Variants in PI4KB observed in about 807,000 individuals in gnomAD.
PI4KB encodes the protein phosphatidylinositol 4-kinase beta.
A neutral mutation model predicts 81.4 loss-of-function variants in PI4KB; 23 were observed. That is an observed-to-expected ratio of 0.28 (90% CI 0.20 to 0.40). PI4KB has a LOEUF of 0.40. Among genes scored for constraint, PI4KB ranks in the 10% least tolerant of loss-of-function variants. The pLI is 1.00. For synonymous variants in PI4KB, 381 were observed against 406.8 expected (o/e 0.94, Z 0.76); for missense variants, 651 against 1,036.6 (o/e 0.63, Z 5.11).
In PI4KB at chr1:151,316,287, G is replaced by C. The variant is rs201358714; in HGVS notation, c.195C>G (p.Gly65=). 1 of 1,614,070 alleles carries C rather than the reference G, an allele frequency of 6.2e-7. No homozygotes were observed. Among genetic ancestry groups the C allele is most frequent in the East Asian group, 2.2e-5 (1 of 44,880 alleles). Residue 65 remains glycine (G), a synonymous_variant, in exon 2 of 12, where the codon GGC becomes GGG. Coordinates refer to ENST00000368873, the MANE Select transcript of PI4KB (RefSeq NM_001369623.2). ...VLEKVKLLHG[G]VAVSSRGTPL... ...GGGTGCCTCTGCTAGAGACTGCCACGCCTCCATGCAAAAGCTTGACTTTCT... is the reference window on the plus strand; with the variant it reads ...GGGTGCCTCTGCTAGAGACTGCCACCCCTCCATGCAAAAGCTTGACTTTCT...
At chr1:151,324,122 T>C (rs1394933329) in intron 1 of PI4KB, among the ~76,000 whole-genome samples, 3 of 152,064 alleles carry the variant, frequency 2.0e-5, no homozygotes, top group Non-Finnish European at 2.9e-5. Flanking sequence ...GGCTAATTTT[T>C]GTATTTTTAG....
chr1:151,317,559 T>G (rs1648154007), intron 1 of PI4KB, among the ~76,000 whole-genome samples: 1 of 152,004 alleles, frequency 6.6e-6, no homozygotes, highest in African/African-American at 2.4e-5. Flanking sequence ...CAAGCAATCC[T>G]CCCTCCTCAG....
In PI4KB at chr1:151,306,304, G is replaced by C. The variant is rs746717807; in HGVS notation, c.1242C>G (p.Val414=). The change falls in exon 5 of 12, where the codon GTC becomes GTG. Residue 414 remains valine, a synonymous_variant. Coordinates refer to ENST00000368873, the MANE Select transcript of PI4KB (RefSeq NM_001369623.2). ...TTCGGTTCTCGGGGATCCGGGCAGG[G>C]ACACTGGTGGTGTCAAAGTTTTCAC... ...LECENFDTTS[V]PARIPENRIR... is the part of the protein sequence containing the mutation. 1 of 1,614,210 alleles carries C rather than the reference G, an allele frequency of 6.2e-7. No homozygotes were observed.
intron 9 of PI4KB, among the ~76,000 whole-genome samples, chr1:151,297,326 TGCCTCG>T (rs1694887861): frequency 6.6e-6 from 1 of 151,404 alleles, no homozygotes; most frequent in Non-Finnish European, 1.5e-5. Flanking sequence ...GCGATCCTCC[TGCCTCG>T]GCCTTGTTGG....
At position 151,325,118 on chromosome 1, in the gene PI4KB, A is replaced by G. The variant is rs1184403626; in HGVS notation, c.-29+2153T>C. 2.5e-4 allele frequency among the ~76,000 whole-genome samples: 38 copies of G among 150,844 alleles called. No individual in the cohort carries two copies. The Admixed American group carries it at 2.5e-3, about 10-fold the overall frequency. ...GTAATTCTCCTGCTTCAGCCTCCGGAGTAGCTGGGATTACAGAAGCTCGCC... is the reference window on the plus strand; with the variant it reads ...GTAATTCTCCTGCTTCAGCCTCCGGGGTAGCTGGGATTACAGAAGCTCGCC... On this transcript the variant is annotated intron_variant, in intron 1 of 11. Transcript: ENST00000368873.
rs568964666 is a variant in PI4KB at position 151,316,373 on chromosome 1, C to T, written c.109G>A (p.Val37Ile). Residue 37 changes from valine to isoleucine, a missense_variant, in exon 2 of 12, where the codon GTC (valine) becomes ATC (isoleucine). Physicochemically the swap from Val to Ile is conservative, Grantham distance 29. Around this residue, in one of 5 missense-constraint regions of PI4KB, gnomAD observed 314 missense variants for 397.8 expected, o/e 0.79. Coordinates refer to ENST00000368873, the MANE Select transcript of PI4KB (RefSeq NM_001369623.2). Reference protein sequence around the residue: ...GSLLSVITEGVGELSVIDPEV... With the variant: ...GSLLSVITEGIGELSVIDPEV... ...GGGTCAATCACTGATAGTTCCCCGA[C>T]CCCCTCCGTGATGACACTTAGCAGG... The T allele has an allele frequency of 2.9e-5, 46 of 1,608,574 alleles. No individual in the cohort carries two copies. Among genetic ancestry groups the T allele is most frequent in the Non-Finnish European group, 3.7e-5 (44 of 1,177,240 alleles).
intron 8 of PI4KB, 96 bp downstream of exon 8, chr1:151,301,748 G>A: frequency 8.6e-7 from 1 of 1,163,272 alleles, no homozygotes; most frequent in South Asian, 1.3e-5. Context: ...TGGCCAGGCT[G>A]ATCTTGAACT....
intron 6 of PI4KB, 77 bp downstream of exon 6, chr1:151,303,464 G>T: frequency 1.1e-6 from 1 of 885,494 alleles, no homozygotes; most frequent in Non-Finnish European, 1.9e-6. Context: ...TGATTGAGAT[G>T]GAGAGGAAGG....
intron 1 of PI4KB, among the ~76,000 whole-genome samples, chr1:151,325,149 GC>G (rs908206327): frequency 1.7e-4 from 26 of 152,074 alleles, no homozygotes; most frequent in African/African-American, 6.3e-4. Flanking sequence ...TCGCCACCAT[GC>G]CCGGCTAATT....
intron 3 of PI4KB, among the ~76,000 whole-genome samples, chr1:151,309,191 G>C (rs867478272): frequency 7.9e-5 from 12 of 152,184 alleles, no homozygotes; most frequent in African/African-American, 2.7e-4. Context: ...GAAATTTGAA[G>C]ACTCACTTCT....
chr1:151,303,550 C>G lies in PI4KB; in HGVS notation c.1511G>C (p.Gly504Ala). The change falls in exon 6 of 12, where the codon GGG (glycine) becomes GCG (alanine). Residue 504 changes from glycine to alanine, a missense_variant. Gly to Ala is a moderately conservative substitution (Grantham distance 60). Around this residue, in one of 5 missense-constraint regions of PI4KB, gnomAD observed 246 missense variants for 430.1 expected, o/e 0.57. Transcript: ENST00000368873. ...TGTGATCTGGCCATACCGGATGTCCCCTGCTGCAATGAACACAGGCTCCTT... is the reference window on the plus strand; with the variant it reads ...TGTGATCTGGCCATACCGGATGTCCGCTGCTGCAATGAACACAGGCTCCTT... ...ESKEPVFIAA[G>A]DIRRRLSEQL... 2 of 1,607,098 alleles carry G rather than the reference C, an allele frequency of 1.2e-6. No homozygotes were observed. Among genetic ancestry groups the G allele is most frequent in the Non-Finnish European group, 1.7e-6 (2 of 1,173,658 alleles).
At position 151,292,476 on chromosome 1, in the gene PI4KB, C is replaced by T. The variant is rs1166459731; in HGVS notation, c.*376G>A. 2.9e-5 allele frequency: 5 copies of T among 174,380 alleles called. No homozygotes were observed. The highest frequency in any genetic ancestry group is 1.2e-4 in the African/African-American group (5 of 41,810). The allele number at this position is 174,380 out of a possible 1,614,324, so 10.8% of individuals were successfully genotyped here. ...ACCTACTCTTCCCCACTTCCTGGGC[C>T]CCAGAACGGAATAAGAGGATGGCCT... On this transcript the variant is annotated 3_prime_UTR_variant, in exon 12 of 12. Transcript: ENST00000368873.
intron 9 of PI4KB, 76 bp downstream of exon 9, chr1:151,298,732 A>C: frequency 6.9e-7 from 1 of 1,448,422 alleles, no homozygotes; most frequent in Non-Finnish European, 9.5e-7. Flanking sequence ...GGCAGTAATA[A>C]GTAATTGAGA....
At position 151,292,884 on chromosome 1, in the gene PI4KB, C is replaced by T. The variant is rs1191391542; in HGVS notation, c.2419G>A (p.Gly807Ser). ...MRSITTKLYD[G>S]FQYLTNGIM ...ATGCCGTTGGTGAGGTACTGGAAGC[C>T]GTCATAGAGTTTGGTGGTGATAGAC... is the stretch of plus-strand genomic sequence containing the variant. The change falls in exon 12 of 12, where the codon GGC becomes AGC. Residue 807 changes from glycine (G) to serine (S), a missense_variant. By Grantham distance (56) the Gly-to-Ser change is moderately conservative. Coordinates refer to ENST00000368873, the MANE Select transcript of PI4KB (RefSeq NM_001369623.2). 4 of 1,614,078 alleles carry T rather than the reference C, an allele frequency of 2.5e-6. No individual in the cohort carries two copies. Among genetic ancestry groups the T allele is most frequent in the Non-Finnish European group, 3.4e-6 (4 of 1,179,998 alleles).
rs766570850 is a variant in PI4KB at position 151,326,183 on chromosome 1, A to G, written c.-29+1088T>C. On this transcript the variant is annotated intron_variant, in intron 1 of 11. Coordinates refer to ENST00000368873, the MANE Select transcript of PI4KB (RefSeq NM_001369623.2). ...ACAAGTTTTCTCACAATCTCATTCAATTTCCACGCAGGCCTGTTCATCCCT... is the reference window on the plus strand; with the variant it reads ...ACAAGTTTTCTCACAATCTCATTCAGTTTCCACGCAGGCCTGTTCATCCCT... 7 of 1,612,922 alleles carry G rather than the reference A, an allele frequency of 4.3e-6. No individual in the cohort carries two copies. In the South Asian group the frequency reaches 7.7e-5, roughly 18 times the overall value.
intron 5 of PI4KB, among the ~76,000 whole-genome samples, chr1:151,305,602 C>T (rs1173918398): frequency 6.6e-6 from 1 of 152,180 alleles, no homozygotes; most frequent in Non-Finnish European, 1.5e-5. Flanking sequence ...TGATGCCCGC[C>T]CCAAGTCTGG....
Position 151,316,520 on chromosome 1 carries a change from A to G in PI4KB, c.-28-11T>C. The G allele has an allele frequency of 1.3e-6, 2 of 1,505,018 alleles. No individual in the cohort carries two copies. Among genetic ancestry groups the G allele is most frequent in the Non-Finnish European group, 1.8e-6 (2 of 1,125,720 alleles). 93.2% of individuals were successfully genotyped at this position (1,505,018 alleles called of 1,614,324 possible). A position where few individuals can be genotyped will look rare whatever the true frequency, so the allele number is the denominator to read the frequency against. The stretch of plus-strand genomic sequence containing the variant: ...CTTCGAGCTTCCAAGCTACAGGAAG[A>G]GGGAGGGAGAAAAGAACAGAAAGGG... On this transcript the variant is annotated splice_polypyrimidine_tract_variant and intron_variant, in intron 1 of 11. Coordinates refer to ENST00000368873, the MANE Select transcript of PI4KB (RefSeq NM_001369623.2).
chr1:151,316,508 AG>A lies in PI4KB; in HGVS notation c.-28del. 6.6e-7 allele frequency: 1 copy of A among 1,509,242 alleles called. No homozygotes were observed. The highest frequency in any genetic ancestry group is 8.9e-7 in the Non-Finnish European group (1 of 1,128,872). 93.5% of individuals were successfully genotyped at this position (1,509,242 alleles called of 1,614,324 possible). A position where few individuals can be genotyped will look rare whatever the true frequency, so the allele number is the denominator to read the frequency against. On this transcript the variant is annotated splice_region_variant and 5_prime_UTR_variant, in exon 2 of 12. Coordinates refer to ENST00000368873, the MANE Select transcript of PI4KB (RefSeq NM_001369623.2). Reference sequence around the variant, plus strand: ...GCCACAGCCAGACTTCGAGCTTCCAAGCTACAGGAAGAGGGAGGGAGAAAAG... The same window carrying A: ...GCCACAGCCAGACTTCGAGCTTCCAACTACAGGAAGAGGGAGGGAGAAAAG...
At chr1:151,298,461 C>G (rs1185374347) in intron 9 of PI4KB, 1 of 262,278 alleles carries the variant, frequency 3.8e-6, no homozygotes, top group Non-Finnish European at 7.4e-6. Context: ...ACTCCACTGC[C>G]ATGCAGTGCA....
Sources: allele counts gnomAD v4.1 joint callset (sites outside exome capture counted in the v4.1 genomes callset), GRCh38; gene constraint gnomAD v4.1.1; regional missense constraint gnomAD v4.1.1; transcripts MANE v1.5; gene names NCBI Gene and HGNC (gene_info 2026-07-23, HGNC 2026-07-21).